LYST: variants seen among roughly 807,000 people sequenced by gnomAD.
The protein encoded by LYST is lysosomal-trafficking regulator.
Under a neutral mutation model 413.6 loss-of-function variants are expected in LYST, and 192 were observed. The ratio of observed to expected loss-of-function variants is 0.46; its 90% confidence interval spans 0.41 to 0.52. The LOEUF is 0.52. LYST is among the 20% of genes least tolerant of loss of function. The pLI is 0.00. For synonymous variants in LYST, 1,525 were observed against 1,567.3 expected, an observed-to-expected ratio of 0.97 and a Z score of 0.64; for missense variants, 3,815 against 4,499.9, an observed-to-expected ratio of 0.85 and a Z score of 4.35.
At chr1:235,877,152 G>A (rs1186316143) in intron 1 of LYST, among the ~76,000 whole-genome samples, 2 of 152,204 alleles carry the variant, frequency 1.3e-5, no homozygotes, top group African/African-American at 2.4e-5. Context: ...AGTCAGCACT[G>A]ACATGCTATC....
At chr1:235,852,881 T>C (rs1324542020) in intron 1 of LYST, 1 of 168,174 alleles carries the variant, frequency 5.9e-6, no homozygotes, top group Non-Finnish European at 1.5e-5. Context: ...GTCTGCAGAG[T>C]CCTATCCAAT....
chr1:235,761,079 C>T (rs1667544017), intron 22 of LYST, among the ~76,000 whole-genome samples: 1 of 151,936 alleles, frequency 6.6e-6, no homozygotes, highest in African/African-American at 2.4e-5. Context: ...AAAGGCAAAA[C>T]CCTATCTCAT....
chr1:235,762,273 T>C (rs547141370), intron 22 of LYST, among the ~76,000 whole-genome samples: 9 of 152,288 alleles, frequency 5.9e-5, no homozygotes, highest in Admixed American at 3.3e-4. Context: ...TCACAGGTGC[T>C]TGAAAGCATT....
At chr1:235,872,926 A>C (rs557608274) in intron 1 of LYST, among the ~76,000 whole-genome samples, 5 of 152,192 alleles carry the variant, frequency 3.3e-5, no homozygotes, top group Non-Finnish European at 5.9e-5. Flanking sequence ...AAAAAGCAAA[A>C]AGAAAGTTGG....
At position 235,662,946 on chromosome 1, in the gene LYST, G is replaced by A. The variant is rs139199962; in HGVS notation, c.11400C>T (p.Ala3800=). The A allele has an allele frequency of 8.2e-5, 127 of 1,539,832 alleles. No homozygotes were observed. In the African/African-American group the frequency reaches 1.4e-3, roughly 17 times the overall value. The change falls in exon 53 of 53, where the codon GCC becomes GCT. Residue 3800 remains alanine (A), a synonymous_variant. Coordinates refer to ENST00000389793, the MANE Select transcript of LYST (RefSeq NM_000081.4). ...MFYSFLSSYA[A]G ...ACGTGAAGTTCATTCGCATTCACCCGGCTGCATAGCTGCTAAGGAAGGAAT... is the reference window on the plus strand; with the variant it reads ...ACGTGAAGTTCATTCGCATTCACCCAGCTGCATAGCTGCTAAGGAAGGAAT...
intron 1 of LYST, among the ~76,000 whole-genome samples, chr1:235,847,790 CAA>C (rs1349303637): frequency 6.6e-6 from 1 of 152,098 alleles, no homozygotes; most frequent in African/African-American, 2.4e-5. Context: ...TTAAAAGAGA[CAA>C]AGAGGGACAT....
chr1:235,770,622 T>C (rs547052446), intron 19 of LYST, among the ~76,000 whole-genome samples: 12 of 152,326 alleles, frequency 7.9e-5, no homozygotes, highest in African/African-American at 2.6e-4. Context: ...ACCAACATTA[T>C]TGTTTTTAAA....
At chr1:235,847,337 C>T (rs1049122524) in intron 1 of LYST, among the ~76,000 whole-genome samples, 2 of 152,120 alleles carry the variant, frequency 1.3e-5, no homozygotes, top group African/African-American at 2.4e-5. Flanking sequence ...TGAGAGAATT[C>T]GCCATCACCA....
At chr1:235,670,923 C>T (rs1204411794) in intron 50 of LYST, among the ~76,000 whole-genome samples, 1 of 152,150 alleles carries the variant, frequency 6.6e-6, no homozygotes, top group Non-Finnish European at 1.5e-5. Context: ...AAAACAAAAA[C>T]TACAAAGAGC....
At chr1:235,849,669 T>C (rs1678295337) in intron 1 of LYST, among the ~76,000 whole-genome samples, 1 of 151,270 alleles carries the variant, frequency 6.6e-6, no homozygotes, top group Admixed American at 6.6e-5. Context: ...TTCAACAAAG[T>C]TTCTGGATAC....
rs748908539 is a variant in LYST, at chr1:235,770,163, C to T, written c.5919G>A (p.Leu1973=). 4.0e-5 allele frequency: 65 copies of T among 1,612,994 alleles called. 1 individual carries two copies. The South Asian group carries it at 6.9e-4, about 17-fold the overall frequency. Residue 1973 remains leucine (L), a synonymous_variant, in exon 20 of 53, where the codon TTG becomes TTA. Transcript: ENST00000389793. ...AGTAAAGTTACATGAAAAGTACCTG[C>T]AAAACCTGACAAGTCAGTAGAAAGT... ...VHHFLLTCQV[L]QEYKEGQLTP...
chr1:235,735,174 T>C (rs1247095476), intron 31 of LYST: 1 of 152,170 alleles, frequency 6.6e-6, no homozygotes, highest in Non-Finnish European at 1.5e-5. Flanking sequence ...GGAAAGAAAC[T>C]GGGATAAAGG....
At chr1:235,830,131 C>G (rs1675788323) in intron 3 of LYST, 95 bp downstream of exon 3, 1 of 903,066 alleles carries the variant, frequency 1.1e-6, no homozygotes, top group Non-Finnish European at 1.8e-6. Flanking sequence ...GACTTTATCT[C>G]AAGGAGGCTT....
At chr1:235,815,479 G>A (rs1368400374) in intron 3 of LYST, among the ~76,000 whole-genome samples, 1 of 152,128 alleles carries the variant, frequency 6.6e-6, no homozygotes. Flanking sequence ...AGATTTGGAG[G>A]AAAAGGGCTC....
At chr1:235,778,121 A>ATTTT (rs1553293955) in intron 16 of LYST, among the ~76,000 whole-genome samples, 9 of 145,296 alleles carry the variant, frequency 6.2e-5, no homozygotes, top group Admixed American at 3.4e-4. Context: ...ATATATATAT[A>ATTTT]TTTTTGTAGA....
rs1037699384 is a variant in LYST at position 235,674,269 on chromosome 1, C to A, written c.11038+2822G>T. ...GTCTGCCCTTGTTTTCATCCCCAAGCGGATGTATGGTAGTATTGTAGTGGA... is the reference window on the plus strand; with the variant it reads ...GTCTGCCCTTGTTTTCATCCCCAAGAGGATGTATGGTAGTATTGTAGTGGA... On this transcript the variant is annotated intron_variant, in intron 50 of 52. Transcript: ENST00000389793. This position sits in a 1 kb window ranked among gnomAD's most constrained non-coding sequence, Gnocchi z 4.1. Among the ~76,000 whole-genome samples the A allele has an allele frequency of 6.6e-6, 1 of 152,046 alleles. No homozygotes were observed. Among genetic ancestry groups the A allele is most frequent in the Non-Finnish European group, 1.5e-5 (1 of 68,008 alleles).
At chr1:235,695,114 T>A (rs1660982397) in intron 46 of LYST, among the ~76,000 whole-genome samples, 1 of 152,134 alleles carries the variant, frequency 6.6e-6, no homozygotes. Context: ...AACACTGACC[T>A]CTCCCAGACC....
chr1:235,709,260 T>C lies in LYST; in HGVS notation c.9974A>G (p.Asn3325Ser), dbSNP rs376300162. 4.3e-6 allele frequency: 7 copies of C among 1,613,934 alleles called. No homozygotes were observed. Among genetic ancestry groups the C allele is most frequent in the South Asian group, 2.2e-5 (2 of 91,084 alleles). Residue 3325 changes from asparagine (N) to serine (S), a missense_variant, in exon 44 of 53, where the codon AAC becomes AGC. Asn to Ser is a conservative substitution (Grantham distance 46). This residue lies in a region of LYST where 866 missense variants were observed against 1,156.0 expected (regional missense o/e 0.75). Coordinates refer to ENST00000389793, the MANE Select transcript of LYST (RefSeq NM_000081.4). ...ATCATTACGCGCCCAAGGGGGAAGG[T>C]TGACGTGATTAACCCGTTCACCATT... is the stretch of plus-strand genomic sequence containing the variant. ...RQNGERVNHV[N>S]LPPWARNDPR...
chr1:235,809,687 T>A lies in LYST; in HGVS notation c.1131A>T (p.Arg377Ser), dbSNP rs781704267. The stretch of plus-strand genomic sequence containing the variant: ...GAACCTCCTGCAGTGTTTTCTTTTG[T>A]CTTGGTGCAAAAGGGTCAGGCTGCT... ...LEKQPDPFAP[R>S]QKKTLQEVQE... The change falls in exon 5 of 53, where the codon AGA becomes AGT. Residue 377 changes from arginine (R) to serine (S), a missense_variant. Transcript: ENST00000389793. This position sits in a 1 kb window ranked among gnomAD's most constrained non-coding sequence, Gnocchi z 4.0. 7.4e-6 allele frequency: 12 copies of A among 1,613,754 alleles called. No homozygotes were observed. The South Asian group carries it at 1.3e-4, about 18-fold the overall frequency.
Sources: allele counts gnomAD v4.1 joint callset (sites outside exome capture counted in the v4.1 genomes callset), GRCh38; gene constraint gnomAD v4.1.1; regional missense constraint gnomAD v4.1.1; non-coding constraint Gnocchi (gnomAD v3.1); transcripts MANE v1.5; gene names NCBI Gene and HGNC (gene_info 2026-07-23, HGNC 2026-07-21).